The following BMPR1A variants were observed in gnomAD, a reference collection of about 807,000 sequenced individuals.
BMPR1A encodes the protein bone morphogenetic protein receptor type-1A.
A neutral mutation model predicts 66.0 loss-of-function variants in BMPR1A; 7 were observed. The ratio of observed to expected loss-of-function variants is 0.11; its 90% CI spans 0.06 to 0.20. The LOEUF is 0.20. BMPR1A is among the 10% of genes least tolerant of loss of function. BMPR1A has a pLI of 1.00. For synonymous variants in BMPR1A, 200 were observed against 229.7 expected (o/e 0.87, Z 1.17); for missense variants, 408 against 669.1 (o/e 0.61, Z 4.31).
At chr10:86,806,670 G>C (rs1427790586) in intron 1 of BMPR1A, among the ~76,000 whole-genome samples, 1 of 151,860 alleles carries the variant, frequency 6.6e-6, no homozygotes, top group Admixed American at 6.6e-5. Context: ...TCCCATCTCA[G>C]CCTCCCAAGT....
chr10:86,813,387 CA>C (rs1314914095), intron 1 of BMPR1A, among the ~76,000 whole-genome samples: 2 of 152,152 alleles, frequency 1.3e-5, no homozygotes, highest in African/African-American at 4.8e-5. Context: ...AATGGTATTT[CA>C]AAACCACTGC....
At chr10:86,830,619 A>G (rs1564697597) in intron 1 of BMPR1A, among the ~76,000 whole-genome samples, 2 of 152,160 alleles carry the variant, frequency 1.3e-5, no homozygotes, top group East Asian at 3.8e-4. Flanking sequence ...TTTGCCGTCT[A>G]TATATCCTCT....
intron 1 of BMPR1A, among the ~76,000 whole-genome samples, chr10:86,829,661 G>A (rs574629353): frequency 6.6e-6 from 1 of 152,256 alleles, no homozygotes; most frequent in African/African-American, 2.4e-5. Context: ...ATTAATAAAT[G>A]GAATCACATA....
At chr10:86,826,695 G>T (rs901745865) in intron 1 of BMPR1A, among the ~76,000 whole-genome samples, 2 of 151,008 alleles carry the variant, frequency 1.3e-5, no homozygotes, top group African/African-American at 4.9e-5. Context: ...TTTTTTACAT[G>T]TTTTTTTTCC....
chr10:86,833,122 GA>G (rs1258545154), intron 1 of BMPR1A, among the ~76,000 whole-genome samples: 4 of 151,782 alleles, frequency 2.6e-5, no homozygotes, highest in Non-Finnish European at 4.4e-5. Flanking sequence ...AAAGAACAAA[GA>G]AAAAAAATTT....
chr10:86,909,564 C>T (rs528293621), intron 7 of BMPR1A, among the ~76,000 whole-genome samples: 8 of 144,748 alleles, frequency 5.5e-5, no homozygotes, highest in South Asian at 4.3e-4. Context: ...CTAGCCTGGG[C>T]GACAAGAGTG....
At chr10:86,860,996 C>T (rs1010557992) in intron 2 of BMPR1A, among the ~76,000 whole-genome samples, 3 of 151,716 alleles carry the variant, frequency 2.0e-5, no homozygotes, top group African/African-American at 7.3e-5. Context: ...CGCCCGCCAC[C>T]ACGCCCGGCT....
chr10:86,761,465 T>A (rs547466935), intron 1 of BMPR1A, among the ~76,000 whole-genome samples: 1 of 152,296 alleles, frequency 6.6e-6, no homozygotes, highest in East Asian at 1.9e-4. Flanking sequence ...ATAATCACAT[T>A]TGCAGTTAGG....
chr10:86,763,884 G>A (rs1841119381), intron 1 of BMPR1A, among the ~76,000 whole-genome samples: 3 of 143,854 alleles, frequency 2.1e-5, no homozygotes, highest in Middle Eastern at 3.6e-3. Flanking sequence ...TCTGCCTCCC[G>A]GGTTCACGCC....
At chr10:86,883,960 C>T (rs1030659869) in intron 3 of BMPR1A, among the ~76,000 whole-genome samples, 11 of 150,960 alleles carry the variant, frequency 7.3e-5, no homozygotes, top group African/African-American at 2.7e-4. Context: ...CTGCAACCTC[C>T]ATCTCCTGGG....
chr10:86,919,673 T>C (rs974258036), intron 10 of BMPR1A, among the ~76,000 whole-genome samples: 5 of 150,722 alleles, frequency 3.3e-5, no homozygotes, highest in Admixed American at 6.6e-5. Context: ...TATATATATT[T>C]TTTTGGTGTT....
intron 8 of BMPR1A, among the ~76,000 whole-genome samples, chr10:86,913,827 C>T (rs1843524917): frequency 6.6e-6 from 1 of 152,142 alleles, no homozygotes; most frequent in South Asian, 2.1e-4. Flanking sequence ...ATTAAGATTT[C>T]AGTTTTCCTC....
chr10:86,890,310 G>A (rs973254612), intron 4 of BMPR1A, 86 bp downstream of exon 4: 182 of 1,549,142 alleles, frequency 1.2e-4, no homozygotes, highest in Middle Eastern at 1.7e-4. Flanking sequence ...ACTTGTCTGC[G>A]GTTTTTTTTT....
At chr10:86,873,063 G>C (rs1279559434) in intron 2 of BMPR1A, among the ~76,000 whole-genome samples, 1 of 152,212 alleles carries the variant, frequency 6.6e-6, no homozygotes, top group African/African-American at 2.4e-5. Flanking sequence ...GAAAGGGAAA[G>C]CACTTAGAGT....
chr10:86,868,681 A>G (rs901724302), intron 2 of BMPR1A, among the ~76,000 whole-genome samples: 3 of 152,162 alleles, frequency 2.0e-5, no homozygotes, highest in Non-Finnish European at 4.4e-5. Context: ...CTTCTCTACT[A>G]GAAAGTGAAA....
chr10:86,861,946 A>T (rs1035399862), intron 2 of BMPR1A, among the ~76,000 whole-genome samples: 4 of 152,220 alleles, frequency 2.6e-5, no homozygotes, highest in African/African-American at 9.6e-5. Context: ...TAAAAGTGAA[A>T]GGAATTGGCA....
chr10:86,903,331 T>C (rs1843337986), intron 7 of BMPR1A, among the ~76,000 whole-genome samples: 1 of 152,050 alleles, frequency 6.6e-6, no homozygotes, highest in Non-Finnish European at 1.5e-5. Flanking sequence ...AATCAAGACA[T>C]GGCAGATTTT....
chr10:86,837,251 G>C (rs373191200), intron 1 of BMPR1A, among the ~76,000 whole-genome samples: 23 of 127,124 alleles, frequency 1.8e-4, no homozygotes, highest in Non-Finnish European at 2.7e-4. Context: ...GTGTGTCTGT[G>C]TGTGTGTGTG....
chr10:86,850,959 A>G (rs1190196657), intron 2 of BMPR1A, among the ~76,000 whole-genome samples: 1 of 152,262 alleles, frequency 6.6e-6, no homozygotes, highest in Non-Finnish European at 1.5e-5. Context: ...ATGTCATAAT[A>G]TAAAAAACCG....
Sources: allele counts gnomAD v4.1 joint callset (sites outside exome capture counted in the v4.1 genomes callset), GRCh38; gene constraint gnomAD v4.1.1; transcripts MANE v1.5; gene names NCBI Gene and HGNC (gene_info 2026-07-23, HGNC 2026-07-21).